TBC1D5: variants seen among roughly 807,000 people sequenced by gnomAD.
TBC1D5 encodes the protein TBC1 domain family, member 5.
TBC1D5 carries 75 observed loss-of-function variants against 100.3 expected under a neutral mutation model. The ratio of observed to expected loss-of-function variants is 0.75; its 90% CI spans 0.62 to 0.91. The LOEUF is 0.91. Among genes scored for constraint, TBC1D5 ranks in the 40% least tolerant of loss-of-function variants. TBC1D5 has a pLI of 0.00. For missense variants in TBC1D5, 910 were observed against 942.4 expected (o/e 0.97, Z 0.45); for synonymous variants, 323 against 325.6 (o/e 0.99, Z 0.09).
At chr3:17,213,432 T>C (rs2073224332) in intron 18 of TBC1D5, among the ~76,000 whole-genome samples, 3 of 152,188 alleles carry the variant, frequency 2.0e-5, no homozygotes, top group Admixed American at 2.0e-4. Flanking sequence ...TTTAAAGCAG[T>C]GGATATGCCT....
At chr3:17,575,416 A>G (rs758157737) in intron 2 of TBC1D5, 4 of 152,100 alleles carry the variant, frequency 2.6e-5, no homozygotes, top group Non-Finnish European at 4.4e-5. Flanking sequence ...AAGTTCACAA[A>G]TAACATTTTT....
chr3:17,420,883 TTGGA>T (rs1249143951), intron 4 of TBC1D5, among the ~76,000 whole-genome samples: 5 of 152,086 alleles, frequency 3.3e-5, no homozygotes, highest in Admixed American at 1.3e-4. Flanking sequence ...TTACACAGCC[TTGGA>T]TGATCAGGCT....
At chr3:17,333,310 T>C (rs2087153071) in intron 13 of TBC1D5, 1 of 152,358 alleles carries the variant, frequency 6.6e-6, no homozygotes, top group Non-Finnish European at 1.5e-5. Flanking sequence ...AAAAACTTGC[T>C]CATTTCTCAA....
intron 13 of TBC1D5, among the ~76,000 whole-genome samples, chr3:17,361,702 A>T (rs2091731143): frequency 6.6e-6 from 1 of 152,102 alleles, no homozygotes; most frequent in African/African-American, 2.4e-5. Context: ...AAGAAAAATA[A>T]AAATATAGCA....
chr3:17,333,490 T>C (rs1427494665), intron 13 of TBC1D5: 1 of 152,014 alleles, frequency 6.6e-6, no homozygotes, highest in African/African-American at 2.4e-5. Context: ...TTTAATACAA[T>C]TAAAAATACA....
intron 4 of TBC1D5, among the ~76,000 whole-genome samples, chr3:17,407,775 A>G (rs781283010): frequency 6.6e-6 from 1 of 152,150 alleles, no homozygotes; most frequent in African/African-American, 2.4e-5. Context: ...CCTCAAACAC[A>G]ACAAGCCTTC....
At chr3:17,230,795 A>G (rs1379834543) in intron 17 of TBC1D5, among the ~76,000 whole-genome samples, 2 of 152,130 alleles carry the variant, frequency 1.3e-5, no homozygotes, top group Non-Finnish European at 2.9e-5. Context: ...CTCAGTATCC[A>G]TGGGAGATTG....
intron 2 of TBC1D5, among the ~76,000 whole-genome samples, chr3:17,525,730 T>A (rs746034215): frequency 5.6e-5 from 8 of 142,740 alleles, no homozygotes; most frequent in Non-Finnish European, 7.5e-5. Context: ...CCCTTCCACG[T>A]CTTTTTAGTT....
rs1184941423 is a variant in TBC1D5, at chr3:17,167,740, T to G, written c.1932+9A>C. ...ACACAAAGAAATAGTGTCAGAGCAATGCACATACCTGTTTTAATCCTGCCA... is the reference window on the plus strand; with the variant it reads ...ACACAAAGAAATAGTGTCAGAGCAAGGCACATACCTGTTTTAATCCTGCCA... On this transcript the variant is annotated intron_variant, in intron 20 of 21. Transcript: ENST00000253692. 3 of 1,613,698 alleles carry G rather than the reference T, an allele frequency of 1.9e-6. No individual in the cohort carries two copies. Among genetic ancestry groups the G allele is most frequent in the Middle Eastern group, 1.7e-4 (1 of 6,060 alleles).
intron 8 of TBC1D5, among the ~76,000 whole-genome samples, chr3:17,401,215 G>A (rs1559805027): frequency 6.7e-6 from 1 of 150,116 alleles, no homozygotes; most frequent in Non-Finnish European, 1.5e-5. Flanking sequence ...AACACTGTAT[G>A]TGTGTGTACA....
At chr3:17,186,635 G>A (rs544893444) in intron 18 of TBC1D5, among the ~76,000 whole-genome samples, 7 of 135,852 alleles carry the variant, frequency 5.2e-5, no homozygotes, top group East Asian at 2.1e-4. Flanking sequence ...GCTTGAATCC[G>A]GGAGGTGAAG....
intron 1 of TBC1D5, among the ~76,000 whole-genome samples, chr3:17,719,164 C>CA (rs1049454471): frequency 1.1e-4 from 17 of 151,714 alleles, no homozygotes; most frequent in East Asian, 1.9e-4. Flanking sequence ...CTATTTAAGA[C>CA]AAAAAAAACT....
At chr3:17,521,511 C>T (rs543661699) in intron 2 of TBC1D5, among the ~76,000 whole-genome samples, 2 of 152,236 alleles carry the variant, frequency 1.3e-5, no homozygotes, top group African/African-American at 4.8e-5. Flanking sequence ...TTCTGGTCAA[C>T]AGTAGGCTAT....
At chr3:17,374,731 G>C in intron 10 of TBC1D5, 52 bp from the exon 11 acceptor site, 1 of 1,579,808 alleles carries the variant, frequency 6.3e-7, no homozygotes, top group South Asian at 1.1e-5. Context: ...AATAATTAAA[G>C]AGGCAGAGTT....
chr3:17,488,922 A>G (rs752384825), intron 3 of TBC1D5, among the ~76,000 whole-genome samples: 3 of 149,870 alleles, frequency 2.0e-5, no homozygotes, highest in African/African-American at 4.9e-5. Flanking sequence ...AACTGCACAT[A>G]TGAGGGATCT....
intron 1 of TBC1D5, chr3:17,662,916 G>C (rs2066805415): frequency 6.6e-6 from 1 of 152,120 alleles, no homozygotes; most frequent in Admixed American, 6.6e-5. Flanking sequence ...TTATGTACAT[G>C]AGTGTCCGTG....
At position 17,396,649 on chromosome 3, in the gene TBC1D5, A is replaced by G. The variant is rs868811550; in HGVS notation, c.509+6532T>C. 9.9e-5 allele frequency among the ~76,000 whole-genome samples: 15 copies of G among 152,248 alleles called. No homozygotes were observed. In the South Asian group the frequency reaches 1.9e-3, roughly 19 times the overall value. ...TCGAATATGCTTAACATAGAAAAAA[A>G]TTCAAAACTAATCTAGTTTCCATCC... On this transcript the variant is annotated intron_variant, in intron 8 of 21. Transcript: ENST00000253692.
chr3:17,221,484 G>T (rs1376743014), intron 17 of TBC1D5, among the ~76,000 whole-genome samples: 4 of 151,990 alleles, frequency 2.6e-5, no homozygotes, highest in Non-Finnish European at 5.9e-5. Flanking sequence ...CCCTTCCTGT[G>T]AGTTCTTAAA....
At chr3:17,536,067 A>G (rs2153404601) in intron 2 of TBC1D5, among the ~76,000 whole-genome samples, 1 of 152,256 alleles carries the variant, frequency 6.6e-6, no homozygotes, top group African/African-American at 2.4e-5. Flanking sequence ...AGATTAGGAG[A>G]CAATCTTCAA....
Sources: gnomAD v4.1 joint callset for allele counts (sites outside exome capture counted in the v4.1 genomes callset) on GRCh38, gnomAD v4.1.1 for gene constraint, MANE v1.5 for transcripts, NCBI Gene and HGNC (gene_info 2026-07-23, HGNC 2026-07-21) for gene names.